Variants in RORA observed in about 807,000 individuals in gnomAD.
RORA encodes RAR related orphan receptor A, also known as nuclear receptor ROR-alpha.
RORA carries 7 observed loss-of-function variants against 69.5 expected under a neutral mutation model. That is an observed-to-expected ratio of 0.10 (90% CI 0.06 to 0.19). The LOEUF is 0.19. RORA is among the 10% of genes least tolerant of loss of function. RORA has a pLI of 1.00. For synonymous variants in RORA, 261 were observed against 240.8 expected (o/e 1.08, Z -0.78); for missense variants, 457 against 663.0 (o/e 0.69, Z 3.41).
At chr15:60,869,526 T>TA (rs546491356) in intron 1 of RORA, among the ~76,000 whole-genome samples, 400 of 152,350 alleles carry the variant, frequency 2.6e-3, no homozygotes, top group South Asian at 0.014. Context: ...CTCCTGTTGA[T>TA]AGAGTCTCTC....
chr15:60,512,038 T>G (rs544441263), intron 4 of RORA: 1 of 178,008 alleles, frequency 5.6e-6, no homozygotes, highest in South Asian at 1.3e-4. Context: ...CTCACAGGGT[T>G]CATCAAGGAA....
At chr15:60,503,978 T>G (rs1157044527) in intron 6 of RORA, among the ~76,000 whole-genome samples, 1 of 152,010 alleles carries the variant, frequency 6.6e-6, no homozygotes, top group East Asian at 2.0e-4. Context: ...AATTTCTGTA[T>G]GTTTAATAGA....
intron 1 of RORA, among the ~76,000 whole-genome samples, chr15:60,715,020 C>T (rs2071201621): frequency 2.0e-5 from 3 of 152,140 alleles, no homozygotes; most frequent in African/African-American, 7.2e-5. Flanking sequence ...TTTCATCTCA[C>T]CAAGCTAACT....
At chr15:61,120,518 T>C (rs534338954) in intron 1 of RORA, among the ~76,000 whole-genome samples, 31 of 152,012 alleles carry the variant, frequency 2.0e-4, no homozygotes, top group African/African-American at 6.5e-4. Flanking sequence ...GCTAACACGA[T>C]GAAACCCCGT....
At chr15:61,024,213 T>TA (rs1895682907) in intron 1 of RORA, among the ~76,000 whole-genome samples, 1 of 148,534 alleles carries the variant, frequency 6.7e-6, no homozygotes, top group South Asian at 2.1e-4. Context: ...AGTTGGTATT[T>TA]AAAAAAATTA....
chr15:60,970,320 G>C (rs927726899), intron 1 of RORA, among the ~76,000 whole-genome samples: 8 of 152,196 alleles, frequency 5.3e-5, no homozygotes, highest in African/African-American at 1.4e-4. Flanking sequence ...AAGGCTTAAC[G>C]AGTGTCAGCT....
chr15:61,188,101 G>A (rs548726846), intron 1 of RORA, among the ~76,000 whole-genome samples: 97 of 152,114 alleles, frequency 6.4e-4, no homozygotes, highest in African/African-American at 2.2e-3. Flanking sequence ...TCGTTCCCCC[G>A]AAATACCCAA....
chr15:60,885,204 G>C (rs1026191959), intron 1 of RORA, among the ~76,000 whole-genome samples: 3 of 152,194 alleles, frequency 2.0e-5, no homozygotes, highest in Admixed American at 2.0e-4. Context: ...CTGGGGCTCA[G>C]CCTATAAGAG....
intron 1 of RORA, among the ~76,000 whole-genome samples, chr15:60,841,748 T>A (rs1194218259): frequency 6.6e-6 from 1 of 152,180 alleles, no homozygotes; most frequent in Non-Finnish European, 1.5e-5. Context: ...CCCGTCATGA[T>A]GTTGTGCTCC....
chr15:60,621,306 A>G (rs339992), intron 2 of RORA, among the ~76,000 whole-genome samples: 18,171 of 152,080 alleles, frequency 0.12, 1,156 homozygotes, highest in African/African-American at 0.17. Flanking sequence ...ACATCTCCTA[A>G]GCATCAATTA....
intron 1 of RORA, among the ~76,000 whole-genome samples, chr15:61,148,490 C>T (rs749425298): frequency 2.6e-5 from 4 of 152,296 alleles, no homozygotes; most frequent in African/African-American, 4.8e-5. Context: ...ATCAGAAAGA[C>T]TCTCTCTAGT....
intron 1 of RORA, among the ~76,000 whole-genome samples, chr15:60,760,292 G>A (rs1387973838): frequency 6.6e-6 from 1 of 152,174 alleles, no homozygotes; most frequent in East Asian, 1.9e-4. Flanking sequence ...TCTTCCACAT[G>A]AAGCGTATTT....
chr15:60,678,693 G>A lies in RORA; in HGVS notation c.167-7C>T. The A allele has an allele frequency of 6.2e-7, 1 of 1,610,896 alleles. No homozygotes were observed. Among genetic ancestry groups the A allele is most frequent in the East Asian group, 2.2e-5 (1 of 44,868 alleles). On this transcript the variant is annotated splice_region_variant and splice_polypyrimidine_tract_variant and intron_variant, in intron 1 of 10. Transcript: ENST00000335670. Reference sequence around the variant, plus strand: ...TTCTTCGTTACTGAGATACCTGGAAGAGAAGAAACAATAACATAGGTTAGA... The same window carrying A: ...TTCTTCGTTACTGAGATACCTGGAAAAGAAGAAACAATAACATAGGTTAGA...
At chr15:60,877,183 A>C (rs1457230017) in intron 1 of RORA, among the ~76,000 whole-genome samples, 1 of 152,240 alleles carries the variant, frequency 6.6e-6, no homozygotes, top group African/African-American at 2.4e-5. Flanking sequence ...TAGTTCACCA[A>C]GGCAAGTAAA....
At chr15:60,776,791 T>C (rs2072173877) in intron 1 of RORA, among the ~76,000 whole-genome samples, 1 of 152,222 alleles carries the variant, frequency 6.6e-6, no homozygotes, top group Non-Finnish European at 1.5e-5. Context: ...TTACCGTCTT[T>C]GGATTTATGC....
intron 1 of RORA, among the ~76,000 whole-genome samples, chr15:61,045,294 C>G (rs761801825): frequency 6.6e-6 from 1 of 152,198 alleles, no homozygotes; most frequent in Non-Finnish European, 1.5e-5. Flanking sequence ...TAAGATGTGA[C>G]TTTGCTCCTC....
At chr15:60,810,282 T>TAA (rs2072723305) in intron 1 of RORA, among the ~76,000 whole-genome samples, 2 of 152,228 alleles carry the variant, frequency 1.3e-5, no homozygotes, top group African/African-American at 4.8e-5. Flanking sequence ...TTTGAAAACC[T>TAA]TGCTTCATCA....
chr15:61,160,635 T>C (rs2079486582), intron 1 of RORA, among the ~76,000 whole-genome samples: 1 of 152,076 alleles, frequency 6.6e-6, no homozygotes, highest in Non-Finnish European at 1.5e-5. Context: ...GATGAAGAAA[T>C]GGATGAGTGA....
chr15:60,952,699 A>G (rs1173756511), intron 1 of RORA, among the ~76,000 whole-genome samples: 2 of 151,808 alleles, frequency 1.3e-5, no homozygotes, highest in East Asian at 3.9e-4. Context: ...TAATTGCTAC[A>G]AAGAGGATAA....
Sources: gnomAD v4.1 joint callset for allele counts (sites outside exome capture counted in the v4.1 genomes callset) on GRCh38, gnomAD v4.1.1 for gene constraint, MANE v1.5 for transcripts, NCBI Gene and HGNC (gene_info 2026-07-23, HGNC 2026-07-21) for gene names.